Variants in MACROD2 observed in about 807,000 individuals in gnomAD.
MACROD2 encodes mono-ADP ribosylhydrolase 2.
MACROD2 carries 36 observed loss-of-function variants against 70.4 expected under a neutral mutation model. That is an observed-to-expected ratio of 0.51 (90% CI 0.39 to 0.68). The LOEUF is 0.68. Ranked by LOEUF, MACROD2 falls within the 30% of genes least tolerant of loss-of-function variation. The probability of loss-of-function intolerance (pLI) is 0.00; values close to 1 mark genes in which losing one functional copy is unlikely to be tolerated. For missense variants in MACROD2, 496 were observed against 538.4 expected (o/e 0.92, Z 0.78); for synonymous variants, 172 against 178.8 (o/e 0.96, Z 0.30).
chr20:15,275,261 C>A (rs956965213), intron 6 of MACROD2, among the ~76,000 whole-genome samples: 2 of 152,160 alleles, frequency 1.3e-5, no homozygotes, highest in African/African-American at 4.8e-5. Flanking sequence ...CAAAAACAAC[C>A]TCCCAGGTCA....
At chr20:14,125,398 G>A (rs902051588) in intron 3 of MACROD2, among the ~76,000 whole-genome samples, 4 of 151,998 alleles carry the variant, frequency 2.6e-5, no homozygotes, top group Admixed American at 6.6e-5. Context: ...TCATTTTTTC[G>A]GGACTAATCT....
At chr20:14,130,969 A>C (rs1237496269) in intron 3 of MACROD2, among the ~76,000 whole-genome samples, 1 of 148,374 alleles carries the variant, frequency 6.7e-6, no homozygotes, top group Non-Finnish European at 1.5e-5. Flanking sequence ...CTGTTGCCCA[A>C]GCCAGACTGA....
At chr20:15,790,675 A>G (rs1242061347) in intron 8 of MACROD2, among the ~76,000 whole-genome samples, 2 of 151,958 alleles carry the variant, frequency 1.3e-5, no homozygotes, top group Non-Finnish European at 2.9e-5. Flanking sequence ...GATGAATTCA[A>G]TGTTTCTTAG....
chr20:14,828,327 C>T (rs1169630641), intron 5 of MACROD2, among the ~76,000 whole-genome samples: 1 of 152,088 alleles, frequency 6.6e-6, no homozygotes, highest in Non-Finnish European at 1.5e-5. Context: ...ATGAAAGAGG[C>T]AAAAGGTTAT....
rs536580313 is a variant in MACROD2, at chr20:15,044,304, C to T, written c.419-185636C>T. On this transcript the variant is annotated intron_variant, in intron 5 of 17. Transcript: ENST00000684519. ...CTTACTCCTATCACTCAGGAGCTTA[C>T]AAGAGTTTTAGGGAGCTCTGTGCCA... 2.0e-5 allele frequency among the ~76,000 whole-genome samples: 3 copies of T among 152,314 alleles called. No individual in the cohort carries two copies. The South Asian group carries it at 6.2e-4, about 32-fold the overall frequency.
At chr20:14,309,270 G>A (rs896321272) in intron 3 of MACROD2, among the ~76,000 whole-genome samples, 2 of 151,968 alleles carry the variant, frequency 1.3e-5, no homozygotes, top group Admixed American at 6.6e-5. Context: ...TATAATATTC[G>A]AATAACTTAG....
intron 5 of MACROD2, among the ~76,000 whole-genome samples, chr20:15,220,930 T>A (rs1260609370): frequency 1.3e-5 from 2 of 152,142 alleles, no homozygotes; most frequent in Non-Finnish European, 2.9e-5. Context: ...GAGTGGATGA[T>A]TGCAGAAGAG....
chr20:16,012,422 A>G (rs2066875705), intron 15 of MACROD2, among the ~76,000 whole-genome samples: 1 of 152,206 alleles, frequency 6.6e-6, no homozygotes, highest in African/African-American at 2.4e-5. Flanking sequence ...ACTCCCGACC[A>G]ATTAAGTCTG....
chr20:15,099,904 G>A (rs993155629), intron 5 of MACROD2, among the ~76,000 whole-genome samples: 3 of 151,560 alleles, frequency 2.0e-5, no homozygotes, highest in Non-Finnish European at 4.4e-5. Flanking sequence ...TGAGAAACAT[G>A]TTGTTGGAAA....
At chr20:14,127,747 A>G (rs1424945998) in intron 3 of MACROD2, 3 of 429,392 alleles carry the variant, frequency 7.0e-6, no homozygotes, top group Admixed American at 2.9e-5. Context: ...TCTGGTATCA[A>G]AGAACAGATA....
chr20:14,919,392 T>C (rs1479125479), intron 5 of MACROD2, among the ~76,000 whole-genome samples: 1 of 152,230 alleles, frequency 6.6e-6, no homozygotes, highest in East Asian at 1.9e-4. Context: ...CTTTTCTCTC[T>C]AATTTCAGCA....
chr20:14,190,573 G>A (rs745340501), intron 3 of MACROD2, among the ~76,000 whole-genome samples: 16 of 147,702 alleles, frequency 1.1e-4, no homozygotes, highest in Non-Finnish European at 1.9e-4. Flanking sequence ...ATATGGGTTT[G>A]AGTTTCATTT....
At chr20:15,462,066 T>C (rs1600446851) in intron 7 of MACROD2, among the ~76,000 whole-genome samples, 1 of 152,278 alleles carries the variant, frequency 6.6e-6, no homozygotes, top group African/African-American at 2.4e-5. Flanking sequence ...ACCCAAATCA[T>C]GTTGGAATCC....
chr20:14,387,573 G>T (rs1026499262), intron 3 of MACROD2, among the ~76,000 whole-genome samples: 3 of 152,172 alleles, frequency 2.0e-5, no homozygotes, highest in Non-Finnish European at 2.9e-5. Context: ...CTGTGCTTCT[G>T]TGCCGGTTTC....
chr20:14,394,707 G>A (rs982380476), intron 3 of MACROD2, among the ~76,000 whole-genome samples: 1 of 152,018 alleles, frequency 6.6e-6, no homozygotes, highest in African/African-American at 2.4e-5. Flanking sequence ...TTCCCCATTG[G>A]GTATAATGTT....
chr20:15,381,747 C>G (rs963452305), intron 6 of MACROD2, among the ~76,000 whole-genome samples: 7 of 152,116 alleles, frequency 4.6e-5, no homozygotes, highest in South Asian at 2.1e-4. Context: ...TAGTGACTTA[C>G]CAGCGTGGGA....
intron 5 of MACROD2, among the ~76,000 whole-genome samples, chr20:14,883,407 A>G (rs760636075): frequency 6.6e-5 from 10 of 152,174 alleles, no homozygotes; most frequent in Admixed American, 1.3e-4. Flanking sequence ...TAGAGCCTTT[A>G]GCTGAAGTCT....
rs528978122 is a variant in MACROD2 at position 14,569,435 on chromosome 20, T to C, written c.301+75927T>C. Reference sequence around the variant, plus strand: ...AAAATGAATTTTTGTGGGTAGAATTTGCAACCAGGAAGAATATTAAAAAAC... The same window carrying C: ...AAAATGAATTTTTGTGGGTAGAATTCGCAACCAGGAAGAATATTAAAAAAC... On this transcript the variant is annotated intron_variant, in intron 4 of 17. Coordinates refer to ENST00000684519, the MANE Select transcript of MACROD2 (RefSeq NM_001351661.2). Among the ~76,000 whole-genome samples, 9 of 152,156 alleles carry C rather than the reference T, an allele frequency of 5.9e-5. No homozygotes were observed. The South Asian group carries it at 1.0e-3, about 18-fold the overall frequency.
chr20:14,766,334 T>C (rs2072088905), intron 5 of MACROD2, among the ~76,000 whole-genome samples: 1 of 152,224 alleles, frequency 6.6e-6, no homozygotes, highest in South Asian at 2.1e-4. Flanking sequence ...TCTGTGATTG[T>C]AACTGCTCTG....
Sources: gnomAD v4.1 joint callset for allele counts (sites outside exome capture counted in the v4.1 genomes callset) on GRCh38, gnomAD v4.1.1 for gene constraint, MANE v1.5 for transcripts, NCBI Gene and HGNC (gene_info 2026-07-23, HGNC 2026-07-21) for gene names.